PCDH9: variants seen among roughly 807,000 people sequenced by gnomAD.
The protein encoded by PCDH9 is protocadherin 9.
PCDH9 carries 24 observed loss-of-function variants against 70.6 expected under a neutral mutation model. That is an observed-to-expected ratio of 0.34 (90% CI 0.25 to 0.48). The LOEUF is 0.48. PCDH9 is among the 20% of genes least tolerant of loss of function. The pLI is 0.99. For synonymous variants in PCDH9, 562 were observed against 558.5 expected (o/e 1.01, Z -0.09); for missense variants, 1,281 against 1,503.6 (o/e 0.85, Z 2.45).
chr13:67,078,971 T>C (rs2138178055), intron 2 of PCDH9, among the ~76,000 whole-genome samples: 1 of 152,042 alleles, frequency 6.6e-6, no homozygotes, highest in East Asian at 1.9e-4. Context: ...AAAATGGCAG[T>C]TTATAGTCAT....
At chr13:66,355,107 T>G (rs1174804269) in intron 4 of PCDH9, among the ~76,000 whole-genome samples, 1 of 152,054 alleles carries the variant, frequency 6.6e-6, no homozygotes, top group Non-Finnish European at 1.5e-5. Context: ...CAATTCAGCC[T>G]AACAGCATAC....
Position 67,094,269 on chromosome 13 carries a change from T to C in PCDH9, c.3036+131136A>G, listed in dbSNP as rs184125768. The stretch of plus-strand genomic sequence containing the variant: ...CTCTAATCATGCTGCTATCCATTTC[T>C]CATGTTTCAATTTCACATTCCCGTA... On this transcript the variant is annotated intron_variant, in intron 2 of 4. Transcript: ENST00000377865. Among the ~76,000 whole-genome samples, 525 of 152,300 alleles carry C rather than the reference T, an allele frequency of 3.4e-3. 11 individuals carry two copies. The highest frequency in any genetic ancestry group is 9.7e-4 in the East Asian group (5 of 5,180).
intron 3 of PCDH9, among the ~76,000 whole-genome samples, chr13:66,645,472 C>T (rs959764032): frequency 4.6e-5 from 7 of 151,856 alleles, no homozygotes; most frequent in East Asian, 1.9e-4. Flanking sequence ...AAACTGCATG[C>T]GAGAGACATT....
At chr13:66,546,644 C>A (rs1198353821) in intron 4 of PCDH9, among the ~76,000 whole-genome samples, 1 of 152,066 alleles carries the variant, frequency 6.6e-6, no homozygotes, top group African/African-American at 2.4e-5. Context: ...TGATTTAGCT[C>A]AAATATGCAG....
At chr13:66,800,416 AT>A (rs895344776) in intron 3 of PCDH9, among the ~76,000 whole-genome samples, 23 of 151,900 alleles carry the variant, frequency 1.5e-4, no homozygotes, top group African/African-American at 5.3e-4. Flanking sequence ...ACTTCATTCT[AT>A]TTTTTTATCA....
intron 3 of PCDH9, among the ~76,000 whole-genome samples, chr13:66,869,447 T>C (rs950212863): frequency 3.3e-5 from 5 of 152,118 alleles, no homozygotes; most frequent in Non-Finnish European, 7.4e-5. Flanking sequence ...CAAAAAAATT[T>C]CCTAAGGTTT....
intron 3 of PCDH9, among the ~76,000 whole-genome samples, chr13:66,747,624 A>G (rs548437664): frequency 6.6e-6 from 1 of 152,324 alleles, no homozygotes; most frequent in South Asian, 2.1e-4. Context: ...TGTGTGTATT[A>G]ATATACAGGC....
chr13:66,550,795 A>C (rs1961449661), intron 4 of PCDH9, among the ~76,000 whole-genome samples: 2 of 152,160 alleles, frequency 1.3e-5, no homozygotes, highest in Non-Finnish European at 2.9e-5. Context: ...ATGCCAACTA[A>C]ATAGGCTGGC....
chr13:66,958,820 G>A (rs988108474), intron 2 of PCDH9, among the ~76,000 whole-genome samples: 1 of 152,078 alleles, frequency 6.6e-6, no homozygotes, highest in African/African-American at 2.4e-5. Context: ...AAGTACCCAC[G>A]CTAGAGAGGA....
At chr13:66,950,096 T>C (rs2083153495) in intron 2 of PCDH9, among the ~76,000 whole-genome samples, 1 of 152,124 alleles carries the variant, frequency 6.6e-6, no homozygotes, top group African/African-American at 2.4e-5. Flanking sequence ...AAATGATTTA[T>C]ATAAATATTA....
intron 2 of PCDH9, among the ~76,000 whole-genome samples, chr13:67,063,508 GA>G (rs1225993606): frequency 8.3e-6 from 1 of 121,138 alleles, no homozygotes; most frequent in African/African-American, 3.2e-5. Flanking sequence ...GAGGCTCATA[GA>G]ATTTAAAAAG....
intron 2 of PCDH9, among the ~76,000 whole-genome samples, chr13:67,048,662 G>T (rs1475125397): frequency 6.6e-6 from 1 of 152,116 alleles, no homozygotes; most frequent in African/African-American, 2.4e-5. Context: ...AGTTTTGCTG[G>T]GCCTGCTACC....
chr13:66,912,541 A>T (rs1405823825), intron 2 of PCDH9, among the ~76,000 whole-genome samples: 7 of 151,978 alleles, frequency 4.6e-5, no homozygotes, highest in Admixed American at 1.3e-4. Context: ...ACACATACAC[A>T]CCATGCTTAT....
At chr13:66,515,620 G>T (rs1457176853) in intron 4 of PCDH9, among the ~76,000 whole-genome samples, 1 of 151,862 alleles carries the variant, frequency 6.6e-6, no homozygotes, top group Non-Finnish European at 1.5e-5. Context: ...GTTAATATCT[G>T]CTAGGTCCAT....
intron 4 of PCDH9, among the ~76,000 whole-genome samples, chr13:66,444,914 C>G (rs1445976470): frequency 6.6e-6 from 1 of 151,782 alleles, no homozygotes; most frequent in Non-Finnish European, 1.5e-5. Flanking sequence ...ATGAGAATTT[C>G]ACTGAAAGAT....
intron 3 of PCDH9, among the ~76,000 whole-genome samples, chr13:66,663,390 C>T (rs2078045826): frequency 6.6e-6 from 1 of 152,154 alleles, no homozygotes; most frequent in Non-Finnish European, 1.5e-5. Flanking sequence ...GAGAAAAATG[C>T]TGCTGAATTA....
intron 3 of PCDH9, among the ~76,000 whole-genome samples, chr13:66,795,365 A>G (rs2080225168): frequency 6.6e-6 from 1 of 152,176 alleles, no homozygotes; most frequent in South Asian, 2.1e-4. Context: ...AATCTATCAT[A>G]CTACATATAA....
chr13:66,459,444 T>C (rs550230834), intron 4 of PCDH9, among the ~76,000 whole-genome samples: 10 of 152,028 alleles, frequency 6.6e-5, no homozygotes, highest in African/African-American at 2.4e-4. Flanking sequence ...CATGAGGTTT[T>C]ACTTTTGAAT....
chr13:66,688,544 T>C (rs767525753), intron 3 of PCDH9, among the ~76,000 whole-genome samples: 2 of 152,146 alleles, frequency 1.3e-5, no homozygotes, highest in Non-Finnish European at 2.9e-5. Context: ...AGCTTATAAC[T>C]AAAAGTTGAT....
Sources: allele counts gnomAD v4.1 joint callset (sites outside exome capture counted in the v4.1 genomes callset), GRCh38; gene constraint gnomAD v4.1.1; transcripts MANE v1.5; gene names NCBI Gene and HGNC (gene_info 2026-07-23, HGNC 2026-07-21).